Variants in NF2 observed in about 807,000 individuals in gnomAD.
NF2 encodes the protein merlin.
Under a neutral mutation model 83.7 loss-of-function variants are expected in NF2, and 8 were observed. The ratio of observed to expected loss-of-function variants is 0.10; its 90% CI spans 0.06 to 0.17. NF2 has a LOEUF of 0.17. NF2 is among the 10% of genes least tolerant of loss of function. NF2 has a pLI of 1.00. For missense variants in NF2, 533 were observed against 744.4 expected (o/e 0.72, Z 3.31); for synonymous variants, 266 against 269.6 (o/e 0.99, Z 0.13).
chr22:29,632,439 TC>T (rs973711649), intron 1 of NF2, among the ~76,000 whole-genome samples: 1 of 152,198 alleles, frequency 6.6e-6, no homozygotes, highest in African/African-American at 2.4e-5. Context: ...CCGCTGGGTG[TC>T]CTGTTGTGGC....
At chr22:29,637,732 C>G (rs1049185525) in intron 2 of NF2, among the ~76,000 whole-genome samples, 1 of 150,876 alleles carries the variant, frequency 6.6e-6, no homozygotes, top group African/African-American at 2.4e-5. Context: ...CTTAAGTGTT[C>G]GAATTGTGTT....
chr22:29,660,115 T>G (rs2147000172), intron 7 of NF2, among the ~76,000 whole-genome samples: 1 of 152,252 alleles, frequency 6.6e-6, no homozygotes, highest in African/African-American at 2.4e-5. Flanking sequence ...GCGAGTTTCC[T>G]TCCACTCCAA....
At chr22:29,682,599 T>C (rs2067168605) in intron 15 of NF2, among the ~76,000 whole-genome samples, 1 of 152,214 alleles carries the variant, frequency 6.6e-6, no homozygotes, top group Admixed American at 6.5e-5. Context: ...CATTCTTCTT[T>C]CCTCTGGCTT....
Position 29,694,927 on chromosome 22 carries a change from T to C in NF2, c.*125T>C, listed in dbSNP as rs537177702. 5.0e-6 allele frequency: 5 copies of C among 991,456 alleles called. No homozygotes were observed. In the South Asian group the frequency reaches 6.8e-5, roughly 14 times the overall value. 61.4% of individuals were successfully genotyped at this position (991,456 alleles called of 1,614,324 possible). A position where few individuals can be genotyped will look rare whatever the true frequency, so the allele number is the denominator to read the frequency against. On this transcript the variant is annotated 3_prime_UTR_variant, in exon 16 of 16. Transcript: ENST00000338641. The surrounding 1 kb of genome is among the most constrained non-coding windows in gnomAD (Gnocchi z 4.1). ...GGTTTCCGTGGGAGCTCCAGAACTT[T>C]CCCCAGCTGAGTGAAGAGCCCAGCC...
At position 29,622,852 on chromosome 22, in the gene NF2, C is replaced by T. The variant is rs185770282; in HGVS notation, c.115-13899C>T. On this transcript the variant is annotated intron_variant, in intron 1 of 15. Coordinates refer to ENST00000338641, the MANE Select transcript of NF2 (RefSeq NM_000268.4). ...TGTATTTTTAGTAGAGACGAAGTTTCACCATGTTGGCCAGGACGGTCTCGA... is the reference window on the plus strand; with the variant it reads ...TGTATTTTTAGTAGAGACGAAGTTTTACCATGTTGGCCAGGACGGTCTCGA... 3.2e-4 allele frequency among the ~76,000 whole-genome samples: 48 copies of T among 151,274 alleles called. 1 individual carries two copies. The highest frequency in any genetic ancestry group is 3.1e-3 in the Admixed American group (47 of 15,174).
chr22:29,655,224 A>C (rs1332147685), intron 5 of NF2, among the ~76,000 whole-genome samples: 1 of 151,942 alleles, frequency 6.6e-6, no homozygotes, highest in Non-Finnish European at 1.5e-5. Flanking sequence ...CCCGTTTCTC[A>C]CCTCTCACTC....
At chr22:29,669,838 A>C (rs1266445641) in intron 10 of NF2, among the ~76,000 whole-genome samples, 1 of 152,224 alleles carries the variant, frequency 6.6e-6, no homozygotes, top group Non-Finnish European at 1.5e-5. Context: ...TTTCTCATCC[A>C]TCAGGTGAAA....
At chr22:29,667,279 C>T (rs2066651649) in intron 9 of NF2, among the ~76,000 whole-genome samples, 3 of 151,698 alleles carry the variant, frequency 2.0e-5, no homozygotes, top group South Asian at 2.1e-4. Context: ...ACTCTGTTGC[C>T]CAGGCTGAAA....
At chr22:29,653,301 C>T (rs150469563) in intron 4 of NF2, among the ~76,000 whole-genome samples, 114 of 151,874 alleles carry the variant, frequency 7.5e-4, no homozygotes, top group African/African-American at 2.3e-3. Context: ...GAAATTAGCC[C>T]GGGGTGGTGG....
At chr22:29,639,060 G>A (rs771343527) in intron 2 of NF2, 30 bp from the exon 3 acceptor site, 1 of 1,614,164 alleles carries the variant, frequency 6.2e-7, no homozygotes, top group Non-Finnish European at 8.5e-7. Flanking sequence ...CCAATATAGT[G>A]TGTTTGTCTT....
intron 15 of NF2, chr22:29,683,646 G>C (rs2067204844): frequency 9.2e-7 from 1 of 1,085,482 alleles, no homozygotes; most frequent in African/African-American, 1.6e-5. Context: ...TCTGATATGT[G>C]AGTCCACGGG....
intron 15 of NF2, among the ~76,000 whole-genome samples, chr22:29,681,852 A>T (rs1298772770): frequency 6.6e-6 from 1 of 152,102 alleles, no homozygotes; most frequent in African/African-American, 2.4e-5. Flanking sequence ...TACAGGGTGG[A>T]TTTTGAGCCC....
At chr22:29,677,945 C>T (rs1404453813) in intron 13 of NF2, among the ~76,000 whole-genome samples, 1 of 150,404 alleles carries the variant, frequency 6.6e-6, no homozygotes. Flanking sequence ...TTTGATTCAG[C>T]TGAGCATGAA....
In NF2 at chr22:29,696,906, TCC is replaced by T. The variant is rs995891082; in HGVS notation, c.*2106_*2107del. 14 of 171,818 alleles carry T rather than the reference TCC, an allele frequency of 8.1e-5. No homozygotes were observed. The highest frequency in any genetic ancestry group is 3.5e-4 in the African/African-American group (14 of 40,480). 10.6% of individuals were successfully genotyped at this position (171,818 alleles called of 1,614,324 possible). ...ATCTCAGCTCACTGCAACCTCCGCCTCCCAGGTACAAGAGATTCTCCTGCCTC... is the reference window on the plus strand; with the variant it reads ...ATCTCAGCTCACTGCAACCTCCGCCTCAGGTACAAGAGATTCTCCTGCCTC... On this transcript the variant is annotated 3_prime_UTR_variant, in exon 16 of 16. Coordinates refer to ENST00000338641, the MANE Select transcript of NF2 (RefSeq NM_000268.4).
intron 9 of NF2, among the ~76,000 whole-genome samples, chr22:29,667,109 C>T (rs1396454665): frequency 2.0e-5 from 3 of 152,100 alleles, no homozygotes; most frequent in East Asian, 1.9e-4. Flanking sequence ...GAAGGTGAAT[C>T]GATTTTTACA....
chr22:29,618,007 C>T (rs1272420637), intron 1 of NF2, among the ~76,000 whole-genome samples: 2 of 152,014 alleles, frequency 1.3e-5, no homozygotes, highest in East Asian at 1.9e-4. Context: ...ATGCATAGTC[C>T]CTGGCAGAAA....
intron 10 of NF2, among the ~76,000 whole-genome samples, chr22:29,669,490 A>G (rs1053548116): frequency 2.6e-5 from 4 of 152,220 alleles, no homozygotes; most frequent in African/African-American, 9.7e-5. Flanking sequence ...CTGGGTGACC[A>G]AGCAAGACCC....
chr22:29,658,202 A>G lies in NF2; in HGVS notation c.613A>G (p.Met205Val), dbSNP rs141629512. ...HRGRARDEAE[M>V]EYLKIAQDLE... is the part of the protein sequence containing the mutation. ...TTCTCCCCACAGGGATGAAGCTGAA[A>G]TGGAATATCTGAAGATAGCTCAGGA... The change falls in exon 7 of 16, where the codon ATG (methionine) becomes GTG (valine). Residue 205 changes from methionine (M) to valine (V), a missense_variant. Met to Val is a conservative substitution (Grantham distance 21). Coordinates refer to ENST00000338641, the MANE Select transcript of NF2 (RefSeq NM_000268.4). 3.2e-4 allele frequency: 511 copies of G among 1,614,044 alleles called. No homozygotes were observed. The highest frequency in any genetic ancestry group is 4.2e-4 in the Non-Finnish European group (490 of 1,180,028).
chr22:29,690,615 AAG>A (rs2067379028), intron 15 of NF2, among the ~76,000 whole-genome samples: 2 of 152,222 alleles, frequency 1.3e-5, no homozygotes, highest in Non-Finnish European at 2.9e-5. Flanking sequence ...GCCCCAGAGA[AAG>A]AAAAGGAAGT....
Sources: gnomAD v4.1 joint callset for allele counts (sites outside exome capture counted in the v4.1 genomes callset) on GRCh38, gnomAD v4.1.1 for gene constraint, Gnocchi (gnomAD v3.1) non-coding constraint, MANE v1.5 for transcripts, NCBI Gene and HGNC (gene_info 2026-07-23, HGNC 2026-07-21) for gene names.